The following NDUFA10 variants were observed in gnomAD, a reference collection of about 807,000 sequenced individuals.
NDUFA10 encodes NADH:ubiquinone oxidoreductase subunit A10.
Under a neutral mutation model 47.8 loss-of-function variants are expected in NDUFA10, and 40 were observed. The observed-to-expected ratio is 0.84, with a 90% CI of 0.65 to 1.09. The LOEUF (loss-of-function observed/expected upper bound fraction) is 1.09. Ranked by LOEUF, NDUFA10 falls within the 50% of genes least tolerant of loss-of-function variation. The pLI is 0.00. For synonymous variants in NDUFA10, 183 were observed against 172.2 expected (o/e 1.06, Z -0.49); for missense variants, 413 against 451.1 (o/e 0.92, Z 0.76).
chr2:240,017,367 C>T (rs544225031), intron 4 of NDUFA10, among the ~76,000 whole-genome samples: 3 of 152,272 alleles, frequency 2.0e-5, no homozygotes, highest in Non-Finnish European at 2.9e-5. Context: ...CATCCCCACA[C>T]GTCCCTCACT....
At chr2:240,019,937 G>A (rs1697550912) in intron 3 of NDUFA10, among the ~76,000 whole-genome samples, 1 of 151,356 alleles carries the variant, frequency 6.6e-6, no homozygotes, top group Non-Finnish European at 1.5e-5. Context: ...CCTCAAACCA[G>A]AAACAGCAGA....
intron 4 of NDUFA10, among the ~76,000 whole-genome samples, chr2:239,901,117 C>T (rs574366229): frequency 6.6e-6 from 1 of 152,300 alleles, no homozygotes; most frequent in African/African-American, 2.4e-5. Context: ...GGGCATTACG[C>T]TGTGCCTTCA....
At chr2:239,914,796 A>G (rs1364075456) in intron 4 of NDUFA10, among the ~76,000 whole-genome samples, 2 of 147,900 alleles carry the variant, frequency 1.4e-5, no homozygotes, top group South Asian at 2.1e-4. Context: ...AGACACACAG[A>G]TACACATACA....
intron 4 of NDUFA10, among the ~76,000 whole-genome samples, chr2:239,930,848 G>A (rs139952641): frequency 0.043 from 4,478 of 104,202 alleles, 229 homozygotes; most frequent in East Asian, 0.12. Flanking sequence ...CCTGGTGGAC[G>A]GGTACAGCAT....
intron 8 of NDUFA10, among the ~76,000 whole-genome samples, chr2:239,994,232 G>A (rs1363145038): frequency 1.3e-5 from 2 of 152,088 alleles, no homozygotes; most frequent in African/African-American, 4.8e-5. Flanking sequence ...TTAGGAACCT[G>A]GCCACACAGC....
intron 8 of NDUFA10, among the ~76,000 whole-genome samples, chr2:239,997,295 C>CA (rs1475705847): frequency 6.6e-6 from 1 of 151,970 alleles, no homozygotes; most frequent in East Asian, 1.9e-4. Context: ...GATAAATCAT[C>CA]AAAACAAAAA....
chr2:239,912,007 A>T (rs1246085518), intron 4 of NDUFA10, among the ~76,000 whole-genome samples: 1 of 152,164 alleles, frequency 6.6e-6, no homozygotes, highest in Non-Finnish European at 1.5e-5. Context: ...AGCAGGCACC[A>T]GCTGCATGTT....
intron 4 of NDUFA10, among the ~76,000 whole-genome samples, chr2:239,908,927 G>A (rs553977215): frequency 6.6e-6 from 1 of 152,320 alleles, no homozygotes; most frequent in Admixed American, 6.5e-5. Flanking sequence ...CCCAGAGTCA[G>A]TGGATTGGTG....
At chr2:239,980,550 C>T (rs1345484555) in intron 9 of NDUFA10, among the ~76,000 whole-genome samples, 1 of 152,170 alleles carries the variant, frequency 6.6e-6, no homozygotes, top group Non-Finnish European at 1.5e-5. Context: ...CAGACAGGTC[C>T]TCCACAGAAT....
At chr2:239,922,508 G>T (rs903433440) in intron 4 of NDUFA10, among the ~76,000 whole-genome samples, 1 of 152,198 alleles carries the variant, frequency 6.6e-6, no homozygotes, top group Admixed American at 6.5e-5. Flanking sequence ...TGTCTTTCTC[G>T]GATAGTGACC....
At position 239,915,923 on chromosome 2, in the gene NDUFA10, CACAT is replaced by C. The variant is rs1333101857; in HGVS notation, c.295-20613_295-20610del. 8.7e-5 allele frequency among the ~76,000 whole-genome samples: 12 copies of C among 138,580 alleles called. No homozygotes were observed. In the East Asian group the frequency reaches 1.6e-3, roughly 19 times the overall value. 90.9% of individuals were successfully genotyped at this position (138,580 alleles called of 152,430 possible). ...GATACACATACACACACAGCACACA[CACAT>C]ACACAGACAGACACAGAGAGACACA... On this transcript the variant is annotated intron_variant, in intron 4 of 5. Transcript: ENST00000419408.
At chr2:240,022,059 C>T (rs1411065400) in intron 2 of NDUFA10, 113 bp downstream of exon 2, 30 of 868,684 alleles carry the variant, frequency 3.5e-5, no homozygotes, top group African/African-American at 5.3e-5. Context: ...CCACCTTAGG[C>T]CCAATTATTA....
At chr2:240,020,227 G>A (rs1179527572) in intron 3 of NDUFA10, among the ~76,000 whole-genome samples, 1 of 152,172 alleles carries the variant, frequency 6.6e-6, no homozygotes, top group East Asian at 1.9e-4. Flanking sequence ...ACCCCATGAA[G>A]CCAACCCTAG....
intron 4 of NDUFA10, among the ~76,000 whole-genome samples, chr2:239,944,863 C>T (rs938633799): frequency 2.6e-5 from 4 of 152,114 alleles, no homozygotes; most frequent in African/African-American, 4.8e-5. Context: ...CCCCAAAGCT[C>T]GGCCAACCCG....
At chr2:239,983,630 C>T in intron 9 of NDUFA10, 1 of 1,586,710 alleles carries the variant, frequency 6.3e-7, no homozygotes, top group Non-Finnish European at 8.6e-7. Flanking sequence ...ACGGTCAGGG[C>T]CACGGTGCCA....
At chr2:240,022,813 T>C (rs1043295313) in intron 1 of NDUFA10, among the ~76,000 whole-genome samples, 7 of 152,146 alleles carry the variant, frequency 4.6e-5, no homozygotes, top group African/African-American at 1.7e-4. Flanking sequence ...TCCACCTAGA[T>C]GTCCTGAAGG....
At chr2:239,921,377 C>T (rs1419058313) in intron 4 of NDUFA10, among the ~76,000 whole-genome samples, 2 of 140,028 alleles carry the variant, frequency 1.4e-5, no homozygotes, top group African/African-American at 6.2e-5. Flanking sequence ...TGGAAAGGAA[C>T]CCAAGCAGGT....
At chr2:239,940,641 G>A (rs1280652062) in intron 4 of NDUFA10, among the ~76,000 whole-genome samples, 1 of 152,188 alleles carries the variant, frequency 6.6e-6, no homozygotes, top group African/African-American at 2.4e-5. Flanking sequence ...GAACACATTT[G>A]AAATTTAGTC....
chr2:239,915,925 C>A, intron 4 of NDUFA10, among the ~76,000 whole-genome samples: 1 of 139,282 alleles, frequency 7.2e-6, no homozygotes, highest in Non-Finnish European at 1.5e-5. Flanking sequence ...AGCACACACA[C>A]ATACACAGAC....
Sources: gnomAD v4.1 joint callset for allele counts (sites outside exome capture counted in the v4.1 genomes callset) on GRCh38, gnomAD v4.1.1 for gene constraint, MANE v1.5 for transcripts, NCBI Gene and HGNC (gene_info 2026-07-23, HGNC 2026-07-21) for gene names.